HTR1F: variants seen among roughly 807,000 people sequenced by gnomAD.
HTR1F encodes the protein 5-hydroxytryptamine (serotonin) receptor 1F, G protein-coupled.
A neutral mutation model predicts 24.0 loss-of-function variants in HTR1F; 17 were observed. That is an observed-to-expected ratio of 0.71 (90% CI 0.48 to 1.06). HTR1F has a LOEUF of 1.06. HTR1F is among the 50% of genes least tolerant of loss of function. HTR1F has a pLI of 0.00. For synonymous variants in HTR1F, 186 were observed against 156.8 expected (o/e 1.19, Z -1.39); for missense variants, 391 against 427.8 (o/e 0.91, Z 0.76).
intron 2 of HTR1F, among the ~76,000 whole-genome samples, chr3:87,922,183 GA>G (rs1704025349): frequency 2.0e-5 from 3 of 151,642 alleles, no homozygotes; most frequent in African/African-American, 4.8e-5. Context: ...ATCCTACTTA[GA>G]ATCTGTTATT....
At chr3:87,927,400 GC>G (rs1430119676) in intron 2 of HTR1F, among the ~76,000 whole-genome samples, 1 of 152,064 alleles carries the variant, frequency 6.6e-6, no homozygotes, top group Non-Finnish European at 1.5e-5. Flanking sequence ...AATATGCTCA[GC>G]AGTCCATATT....
chr3:87,955,886 T>A (rs887025850), intron 2 of HTR1F, among the ~76,000 whole-genome samples: 2 of 151,558 alleles, frequency 1.3e-5, no homozygotes, highest in Admixed American at 6.6e-5. Context: ...TGAGTTTTTT[T>A]AAATGAGTTA....
At chr3:87,794,252 T>G (rs973640261) in intron 1 of HTR1F, among the ~76,000 whole-genome samples, 3 of 152,128 alleles carry the variant, frequency 2.0e-5, no homozygotes, top group African/African-American at 7.2e-5. Context: ...CTCTTCTTCC[T>G]CTCCATTTTC....
At chr3:87,807,380 G>C (rs1276764930) in intron 1 of HTR1F, among the ~76,000 whole-genome samples, 1 of 151,560 alleles carries the variant, frequency 6.6e-6, no homozygotes, top group Non-Finnish European at 1.5e-5. Context: ...TATTTTTGTA[G>C]CTATTGTAAA....
chr3:87,794,976 G>C (rs1703879095), intron 1 of HTR1F, among the ~76,000 whole-genome samples: 1 of 137,354 alleles, frequency 7.3e-6, no homozygotes, highest in Non-Finnish European at 1.5e-5. Context: ...TCAAAATTAT[G>C]ACTGACTTTT....
chr3:87,934,282 G>A (rs183050236), intron 2 of HTR1F, among the ~76,000 whole-genome samples: 103 of 152,316 alleles, frequency 6.8e-4, no homozygotes, highest in African/African-American at 2.4e-3. Context: ...ACATTGCCAA[G>A]CACTGTGCAA....
chr3:87,991,413 A>AAGG lies in HTR1F; in HGVS notation c.671_673dup (p.Glu224dup), dbSNP rs780356858. On this transcript the variant is annotated inframe_insertion, in exon 3 of 3. Coordinates refer to ENST00000319595, the MANE Select transcript of HTR1F (RefSeq NM_001322209.2). ...CAAGAGACAAGCAAGTAGGATTGCA[A>AAGG]AGGAGGAGGTGAATGGCCAAGTCCT... 4 of 1,613,958 alleles carry AAGG rather than the reference A, an allele frequency of 2.5e-6. No homozygotes were observed. In the African/African-American group the frequency reaches 5.3e-5, roughly 22 times the overall value.
intron 2 of HTR1F, among the ~76,000 whole-genome samples, chr3:87,851,217 G>T (rs1705079453): frequency 6.6e-6 from 1 of 151,386 alleles, no homozygotes; most frequent in Non-Finnish European, 1.5e-5. Flanking sequence ...TCTTTATTTT[G>T]CAATTCTCTT....
intron 2 of HTR1F, among the ~76,000 whole-genome samples, chr3:87,845,498 A>G (rs1704920480): frequency 6.7e-6 from 1 of 149,516 alleles, no homozygotes; most frequent in Non-Finnish European, 1.5e-5. Context: ...TTCAAAGAGA[A>G]TAAAATACCT....
At chr3:87,938,709 A>G in intron 2 of HTR1F, among the ~76,000 whole-genome samples, 2 of 152,224 alleles carry the variant, frequency 1.3e-5, no homozygotes, top group Non-Finnish European at 2.9e-5. Context: ...TATTCAATAA[A>G]TGATGCTGGG....
Position 87,853,852 on chromosome 3 carries a change from C to T in HTR1F, c.-43+31728C>T, listed in dbSNP as rs111757418. ...TTTTCTCATATGGTTGTTGGCCACA[C>T]GTATGCTTCTTTTAACGAGTGTCTG... On this transcript the variant is annotated intron_variant, in intron 2 of 2. Coordinates refer to ENST00000319595, the MANE Select transcript of HTR1F (RefSeq NM_001322209.2). Among the ~76,000 whole-genome samples the T allele has an allele frequency of 6.8e-3, 1,032 of 152,020 alleles. 19 individuals carry two copies. The highest frequency in any genetic ancestry group is 0.024 in the African/African-American group (985 of 41,526).
chr3:87,945,384 G>A (rs1704673199), intron 2 of HTR1F, among the ~76,000 whole-genome samples: 1 of 152,152 alleles, frequency 6.6e-6, no homozygotes, highest in Non-Finnish European at 1.5e-5. Context: ...CTAGGAGGCA[G>A]GGATCAGAGG....
chr3:87,826,196 C>T (rs1704458396), intron 2 of HTR1F, among the ~76,000 whole-genome samples: 1 of 152,182 alleles, frequency 6.6e-6, no homozygotes, highest in African/African-American at 2.4e-5. Context: ...CCAAGGATAT[C>T]TTTATTTCTC....
chr3:87,973,996 G>A (rs1182167686), intron 2 of HTR1F, among the ~76,000 whole-genome samples: 1 of 152,198 alleles, frequency 6.6e-6, no homozygotes, highest in Non-Finnish European at 1.5e-5. Context: ...CACATGACCA[G>A]CACCCAGAGA....
At chr3:87,904,195 A>G (rs754034526) in intron 2 of HTR1F, among the ~76,000 whole-genome samples, 1 of 152,144 alleles carries the variant, frequency 6.6e-6, no homozygotes, top group Admixed American at 6.6e-5. Flanking sequence ...CTAACAAAAT[A>G]GCTAAAATTT....
chr3:87,826,538 A>G lies in HTR1F; in HGVS notation c.-43+4414A>G, dbSNP rs559470029. ...AGTTAGAATGCTTTTCCCTGCTTAT[A>G]CATCCCGTAAACGCCCATTATTCTC... On this transcript the variant is annotated intron_variant, in intron 2 of 2. Coordinates refer to ENST00000319595, the MANE Select transcript of HTR1F (RefSeq NM_001322209.2). Among the ~76,000 whole-genome samples, 35 of 152,260 alleles carry G rather than the reference A, an allele frequency of 2.3e-4. No individual in the cohort carries two copies. In the South Asian group the frequency reaches 7.1e-3, roughly 31 times the overall value.
chr3:87,896,830 G>A (rs773604373), intron 2 of HTR1F, among the ~76,000 whole-genome samples: 9 of 152,038 alleles, frequency 5.9e-5, no homozygotes, highest in South Asian at 2.1e-4. Flanking sequence ...GCTGTACATC[G>A]CTAATCATCA....
chr3:87,949,154 A>G (rs113126530), intron 2 of HTR1F, among the ~76,000 whole-genome samples: 37 of 152,334 alleles, frequency 2.4e-4, no homozygotes, highest in African/African-American at 8.7e-4. Context: ...GTTTGTATAT[A>G]CACAGACAAA....
chr3:87,946,825 C>A (rs13317259), intron 2 of HTR1F, among the ~76,000 whole-genome samples: 3,410 of 151,942 alleles, frequency 0.022, 54 homozygotes, highest in Middle Eastern at 0.041. Flanking sequence ...CGGGGTTTCA[C>A]TGTGTTAGCC....
Sources: gnomAD v4.1 joint callset for allele counts (sites outside exome capture counted in the v4.1 genomes callset) on GRCh38, gnomAD v4.1.1 for gene constraint, MANE v1.5 for transcripts, NCBI Gene and HGNC (gene_info 2026-07-23, HGNC 2026-07-21) for gene names.